ANO4: variants seen among roughly 807,000 people sequenced by gnomAD.
ANO4 encodes anoctamin 4.
Under a neutral mutation model 141.9 loss-of-function variants are expected in ANO4, and 69 were observed. The observed-to-expected ratio is 0.49, with a 90% CI of 0.40 to 0.59. The LOEUF is 0.59. Ranked by LOEUF, ANO4 falls within the 20% of genes least tolerant of loss-of-function variation. The probability of loss-of-function intolerance (pLI) is 0.00; values close to 1 mark genes in which losing one functional copy is unlikely to be tolerated. For missense variants in ANO4, 894 were observed against 1,162.2 expected, an observed-to-expected ratio of 0.77 and a Z score of 3.36; for synonymous variants, 350 against 394.3, an observed-to-expected ratio of 0.89 and a Z score of 1.33.
intron 8 of ANO4, among the ~76,000 whole-genome samples, chr12:101,014,440 G>A (rs1379627723): frequency 6.6e-6 from 1 of 152,212 alleles, no homozygotes; most frequent in Non-Finnish European, 1.5e-5. Flanking sequence ...TCAGTGGGAA[G>A]TTCAGGCCCT....
At chr12:100,845,366 T>C (rs945900453) in intron 1 of ANO4, among the ~76,000 whole-genome samples, 13 of 152,052 alleles carry the variant, frequency 8.5e-5, no homozygotes, top group Non-Finnish European at 1.6e-4. Flanking sequence ...CATATAGTAA[T>C]TACTCTGGGG....
chr12:100,787,981 G>A (rs78448516), intron 3 of ANO4, among the ~76,000 whole-genome samples: 2 of 152,190 alleles, frequency 1.3e-5, no homozygotes, highest in Non-Finnish European at 2.9e-5. Flanking sequence ...TTTGGTAGAT[G>A]GACATGCTGT....
chr12:100,756,497 C>G lies in ANO4; in HGVS notation c.358+16392C>G, dbSNP rs1001502315. Among the ~76,000 whole-genome samples, 6 of 152,112 alleles carry G rather than the reference C, an allele frequency of 3.9e-5. No homozygotes were observed. The East Asian group carries it at 5.8e-4, about 15-fold the overall frequency. ...CCTGAGTAGCTGAGACTACAGGTGC[C>G]CACCACCACGTCTGGCTAATTTTTG... On this transcript the variant is annotated intron_variant, in intron 3 of 29. Transcript: ENST00000644049.
At position 101,052,252 on chromosome 12, in the gene ANO4, C is replaced by T. The variant is rs532887823; in HGVS notation, c.1312+3851C>T. On this transcript the variant is annotated intron_variant, in intron 14 of 27. Coordinates refer to ENST00000392977, the MANE Select transcript of ANO4 (RefSeq NM_001286615.2). ...CGTCTGTGTGAGTGCAGGGCTCCCT[C>T]GGGATCCCTGAGGTATGCTGTGAGC... 7.2e-4 allele frequency among the ~76,000 whole-genome samples: 109 copies of T among 152,230 alleles called. 4 individuals carry two copies. The South Asian group carries it at 0.019, about 27-fold the overall frequency.
chr12:100,819,344 A>G (rs1295305947), intron 1 of ANO4, among the ~76,000 whole-genome samples: 1 of 151,938 alleles, frequency 6.6e-6, no homozygotes, highest in East Asian at 1.9e-4. Flanking sequence ...GTAGATAGGT[A>G]CCAGCAATAT....
chr12:100,922,671 A>G (rs1235949757), intron 3 of ANO4, among the ~76,000 whole-genome samples: 3 of 152,136 alleles, frequency 2.0e-5, no homozygotes, highest in Admixed American at 6.6e-5. Flanking sequence ...AACCTTTAAG[A>G]AAACAAAATA....
At chr12:100,784,189 C>A (rs2033793007) in intron 3 of ANO4, among the ~76,000 whole-genome samples, 1 of 152,180 alleles carries the variant, frequency 6.6e-6, no homozygotes, top group South Asian at 2.1e-4. Flanking sequence ...TGACCCAATT[C>A]TCTCTTACCT....
chr12:100,839,654 T>G (rs1409636958), intron 1 of ANO4, among the ~76,000 whole-genome samples: 1 of 152,158 alleles, frequency 6.6e-6, no homozygotes, highest in African/African-American at 2.4e-5. Context: ...TGTTTGAAAT[T>G]TGCTTGCTGG....
intron 8 of ANO4, among the ~76,000 whole-genome samples, chr12:101,019,691 A>T (rs150458940): frequency 3.9e-4 from 59 of 152,318 alleles, no homozygotes; most frequent in African/African-American, 1.4e-3. Flanking sequence ...AGAAGAGGAG[A>T]GAAAAACAAA....
At chr12:100,803,333 G>A (rs776282698) in intron 1 of ANO4, among the ~76,000 whole-genome samples, 19 of 152,190 alleles carry the variant, frequency 1.2e-4, no homozygotes, top group Non-Finnish European at 2.1e-4. Flanking sequence ...TTCTCTTTGG[G>A]AGGAAGGGAG....
intron 22 of ANO4, among the ~76,000 whole-genome samples, chr12:101,104,627 GTATATA>G (rs1167784816): frequency 0.014 from 868 of 61,952 alleles, 9 homozygotes; most frequent in African/African-American, 0.021. Flanking sequence ...ATGTATGTGT[GTATATA>G]TATATATATA....
chr12:100,837,041 T>A (rs2036964396), intron 1 of ANO4, among the ~76,000 whole-genome samples: 1 of 152,158 alleles, frequency 6.6e-6, no homozygotes, highest in African/African-American at 2.4e-5. Context: ...AATATTTTAA[T>A]AGGTAGGTTG....
intron 5 of ANO4, among the ~76,000 whole-genome samples, chr12:100,948,027 C>T (rs2042800447): frequency 6.6e-6 from 1 of 151,486 alleles, no homozygotes; most frequent in Admixed American, 6.6e-5. Context: ...ACTAAAAATA[C>T]AACAACAACA....
chr12:101,008,308 A>G (rs1044093267), intron 8 of ANO4, among the ~76,000 whole-genome samples: 2 of 152,188 alleles, frequency 1.3e-5, no homozygotes, highest in African/African-American at 4.8e-5. Flanking sequence ...CCTCCCAAGA[A>G]GCAGCCCCTT....
intron 22 of ANO4, among the ~76,000 whole-genome samples, chr12:101,109,922 T>C (rs1013137944): frequency 6.6e-6 from 1 of 152,216 alleles, no homozygotes; most frequent in Non-Finnish European, 1.5e-5. Context: ...TACTTAGTCT[T>C]TGGGTCATAA....
At chr12:100,901,276 G>A (rs1466673063) in intron 1 of ANO4, among the ~76,000 whole-genome samples, 1 of 152,204 alleles carries the variant, frequency 6.6e-6, no homozygotes, top group Non-Finnish European at 1.5e-5. Flanking sequence ...GAGTGTAAAT[G>A]TGAGTTTAGC....
intron 1 of ANO4, among the ~76,000 whole-genome samples, chr12:100,887,552 A>G (rs918888670): frequency 4.0e-5 from 6 of 151,250 alleles, no homozygotes; most frequent in African/African-American, 1.5e-4. Context: ...CCCAAGAAGT[A>G]TTGATGTCAT....
chr12:100,903,105 A>C (rs1257773106), intron 2 of ANO4, among the ~76,000 whole-genome samples: 5 of 152,120 alleles, frequency 3.3e-5, no homozygotes, highest in Non-Finnish European at 7.3e-5. Flanking sequence ...TGTTCTGTCG[A>C]GAGTAACCAA....
chr12:100,890,633 G>T (rs777457214), intron 1 of ANO4, among the ~76,000 whole-genome samples: 5 of 152,112 alleles, frequency 3.3e-5, no homozygotes, highest in Non-Finnish European at 5.9e-5. Context: ...TTAATAGCCT[G>T]TATTTTTTAG....
Sources: allele counts gnomAD v4.1 joint callset (sites outside exome capture counted in the v4.1 genomes callset), GRCh38; gene constraint gnomAD v4.1.1; transcripts MANE v1.5; gene names NCBI Gene and HGNC (gene_info 2026-07-23, HGNC 2026-07-21).